The following ARHGAP18 variants were observed in gnomAD, a reference collection of about 807,000 sequenced individuals.
ARHGAP18 encodes rho GTPase-activating protein 18.
In ARHGAP18, 67 loss-of-function variants were observed where a neutral mutation model predicts 86.2. The observed-to-expected ratio is 0.78, with a 90% confidence interval of 0.64 to 0.95. ARHGAP18 has a LOEUF of 0.95. ARHGAP18 is among the 40% of genes least tolerant of loss of function. The pLI is 0.00. For missense variants in ARHGAP18, 691 were observed against 780.4 expected, an observed-to-expected ratio of 0.89 and a Z score of 1.37; for synonymous variants, 283 against 280.4, an observed-to-expected ratio of 1.01 and a Z score of -0.09.
intron 1 of ARHGAP18, among the ~76,000 whole-genome samples, chr6:129,656,983 T>G (rs1773852109): frequency 6.6e-6 from 1 of 152,220 alleles, no homozygotes; most frequent in Non-Finnish European, 1.5e-5. Flanking sequence ...CAACCTGAAG[T>G]ACACATTCTT....
chr6:129,605,541 T>G (rs370026488), intron 10 of ARHGAP18, among the ~76,000 whole-genome samples: 9 of 151,922 alleles, frequency 5.9e-5, no homozygotes, highest in East Asian at 3.9e-4. Context: ...ACCTGCTTAT[T>G]AAATATAATT....
At chr6:129,702,384 G>A (rs1167512726) in intron 1 of ARHGAP18, among the ~76,000 whole-genome samples, 1 of 152,110 alleles carries the variant, frequency 6.6e-6, no homozygotes. Flanking sequence ...CTCAAATAAT[G>A]AGAGTTCTTA....
intron 13 of ARHGAP18, 51 bp downstream of exon 13, chr6:129,583,937 G>A (rs764259905): frequency 5.8e-6 from 9 of 1,561,710 alleles, no homozygotes; most frequent in Admixed American, 1.9e-5. Flanking sequence ...GCGAGAGAGA[G>A]AGAGCAAGTG....
chr6:129,624,990 T>TATATGATATATATTTATATAATATATATG (rs1554335897), intron 5 of ARHGAP18, among the ~76,000 whole-genome samples: 9 of 75,112 alleles, frequency 1.2e-4, no homozygotes, highest in Non-Finnish European at 2.6e-4. Context: ...TAATATATAT[T>TATATGATATATATTTATATAATATATATG]ATATATGATA....
chr6:129,637,251 G>T (rs1439897033), intron 3 of ARHGAP18, among the ~76,000 whole-genome samples: 1 of 152,130 alleles, frequency 6.6e-6, no homozygotes, highest in East Asian at 1.9e-4. Flanking sequence ...TTTTTGTAGA[G>T]ATTGGGTTTT....
chr6:129,640,113 T>C (rs1472574140), intron 2 of ARHGAP18, among the ~76,000 whole-genome samples: 2 of 149,748 alleles, frequency 1.3e-5, no homozygotes, highest in East Asian at 3.9e-4. Context: ...TAGAACTCAG[T>C]ATTGGTGTAT....
At chr6:129,632,871 A>C (rs1229914689) in intron 4 of ARHGAP18, among the ~76,000 whole-genome samples, 4 of 151,928 alleles carry the variant, frequency 2.6e-5, no homozygotes, top group African/African-American at 9.7e-5. Flanking sequence ...TGTTGGGAAC[A>C]CTCCTCAGTC....
intron 5 of ARHGAP18, among the ~76,000 whole-genome samples, chr6:129,624,271 C>T (rs1789291522): frequency 6.6e-6 from 1 of 152,168 alleles, no homozygotes; most frequent in South Asian, 2.1e-4. Flanking sequence ...TGGCTCATAC[C>T]TGTAATCCCA....
intron 1 of ARHGAP18, among the ~76,000 whole-genome samples, chr6:129,702,742 G>A (rs1388376556): frequency 2.0e-5 from 3 of 152,220 alleles, no homozygotes; most frequent in Non-Finnish European, 4.4e-5. Context: ...GCTCACGCCT[G>A]TAATCCCAGC....
At chr6:129,709,881 C>G in intron 1 of ARHGAP18, 143 bp downstream of exon 1, 1 of 644,490 alleles carries the variant, frequency 1.6e-6, no homozygotes, top group Non-Finnish European at 2.7e-6. Context: ...ATAAAAATCA[C>G]GCCAAACGTT....
chr6:129,579,836 T>C (rs999929071), intron 14 of ARHGAP18, among the ~76,000 whole-genome samples: 1 of 152,184 alleles, frequency 6.6e-6, no homozygotes, highest in Admixed American at 6.5e-5. Flanking sequence ...ATTCTTACTG[T>C]ATAGGGAACT....
intron 5 of ARHGAP18, among the ~76,000 whole-genome samples, chr6:129,625,833 T>C (rs1426667781): frequency 1.3e-5 from 1 of 74,166 alleles, no homozygotes; most frequent in East Asian, 3.6e-4. Flanking sequence ...TTATATATTA[T>C]ACATTTATAT....
At chr6:129,581,364 T>C (rs1298594216) in intron 13 of ARHGAP18, among the ~76,000 whole-genome samples, 1 of 152,220 alleles carries the variant, frequency 6.6e-6, no homozygotes, top group Non-Finnish European at 1.5e-5. Context: ...CCACTTTGTT[T>C]CCAACTACAG....
rs66753341 is a variant in ARHGAP18 at position 129,626,672 on chromosome 6, T to TACACAC, written c.786+2675_786+2680dup. 5.6e-4 allele frequency among the ~76,000 whole-genome samples: 83 copies of TACACAC among 147,174 alleles called. No individual in the cohort carries two copies. In the East Asian group the frequency reaches 9.3e-3, roughly 16 times the overall value. On this transcript the variant is annotated intron_variant, in intron 5 of 14. Coordinates refer to ENST00000368149, the MANE Select transcript of ARHGAP18 (RefSeq NM_033515.3). ...GATGTACCCCCAAAACACACACACA[T>TACACAC]ACACACACACACACACACACACACA... is the stretch of plus-strand genomic sequence containing the variant.
chr6:129,602,987 T>TTACA (rs71543160), intron 10 of ARHGAP18, among the ~76,000 whole-genome samples: 6 of 146,784 alleles, frequency 4.1e-5, no homozygotes, highest in African/African-American at 1.3e-4. Context: ...AATTTCCCCT[T>TTACA]TATATATATA....
chr6:129,625,003 T>TG (rs1178212898), intron 5 of ARHGAP18, among the ~76,000 whole-genome samples: 77 of 87,872 alleles, frequency 8.8e-4, no homozygotes, highest in South Asian at 2.5e-3. Context: ...ATATGATATA[T>TG]ATTTATATAA....
At chr6:129,681,375 TA>T (rs1774322124) in intron 1 of ARHGAP18, among the ~76,000 whole-genome samples, 1 of 152,164 alleles carries the variant, frequency 6.6e-6, no homozygotes, top group South Asian at 2.1e-4. Context: ...CGCGCCCAGC[TA>T]GAAGTATTTC....
At chr6:129,705,401 T>A (rs988186795) in intron 1 of ARHGAP18, among the ~76,000 whole-genome samples, 8 of 152,194 alleles carry the variant, frequency 5.3e-5, no homozygotes, top group African/African-American at 1.9e-4. Context: ...CATTCTATCT[T>A]GCCATAGAGT....
chr6:129,634,984 G>T (rs1773303067), intron 3 of ARHGAP18, among the ~76,000 whole-genome samples: 1 of 152,058 alleles, frequency 6.6e-6, no homozygotes, highest in Non-Finnish European at 1.5e-5. Context: ...CTGTTTTCAA[G>T]GGGTCGGGGC....
Sources: gnomAD v4.1 joint callset for allele counts (sites outside exome capture counted in the v4.1 genomes callset) on GRCh38, gnomAD v4.1.1 for gene constraint, MANE v1.5 for transcripts, NCBI Gene and HGNC (gene_info 2026-07-23, HGNC 2026-07-21) for gene names.